Variants in GRIK4 observed in about 807,000 individuals in gnomAD.
The protein encoded by GRIK4 is glutamate receptor ionotropic, kainate 4.
Under a neutral mutation model 104.9 loss-of-function variants are expected in GRIK4, and 40 were observed. The observed-to-expected ratio is 0.38, with a 90% CI of 0.30 to 0.50. The LOEUF is 0.50. Ranked by LOEUF, GRIK4 falls within the 20% of genes least tolerant of loss-of-function variation. GRIK4 has a pLI of 0.93. For missense variants in GRIK4, 1,047 were observed against 1,308.1 expected (o/e 0.80, Z 3.08); for synonymous variants, 485 against 524.9 (o/e 0.92, Z 1.04).
At chr11:120,682,543 G>A (rs903774476) in intron 3 of GRIK4, among the ~76,000 whole-genome samples, 7 of 151,316 alleles carry the variant, frequency 4.6e-5, no homozygotes, top group East Asian at 1.9e-4. Context: ...ATTTAGGGCC[G>A]TATCCATGCA....
chr11:120,938,210 G>T (rs766500319), intron 13 of GRIK4, among the ~76,000 whole-genome samples: 12 of 152,178 alleles, frequency 7.9e-5, no homozygotes, highest in Non-Finnish European at 1.8e-4. Flanking sequence ...GAGGGGCTGA[G>T]GCTCTGAACG....
intron 1 of GRIK4, among the ~76,000 whole-genome samples, chr11:120,580,227 CTTTCTTTCTTTCTTTCTTTCTTTCTT>C (rs1948555453): frequency 2.9e-5 from 4 of 139,750 alleles, no homozygotes; most frequent in Admixed American, 6.9e-5. Context: ...TTCTTTCTTT[CTTTCTTTCTTTCTTTCTTTCTTTCTT>C]TTTCTTTCTT....
chr11:120,776,402 C>A (rs1952043784), intron 3 of GRIK4, among the ~76,000 whole-genome samples: 1 of 152,136 alleles, frequency 6.6e-6, no homozygotes, highest in Admixed American at 6.5e-5. Context: ...TTGGAGTTCC[C>A]CCTCTTTTTT....
intron 8 of GRIK4, among the ~76,000 whole-genome samples, chr11:120,837,559 A>G (rs1953606367): frequency 6.6e-6 from 1 of 152,190 alleles, no homozygotes; most frequent in Admixed American, 6.5e-5. Context: ...GCGTAGCTTA[A>G]GAAAACTTTT....
chr11:120,866,209 T>C (rs1954403533), intron 9 of GRIK4, among the ~76,000 whole-genome samples: 1 of 152,170 alleles, frequency 6.6e-6, no homozygotes, highest in South Asian at 2.1e-4. Context: ...GCCGCTGTTA[T>C]CCGGATGCGC....
At chr11:120,562,061 C>G (rs1948245319) in intron 1 of GRIK4, among the ~76,000 whole-genome samples, 1 of 152,210 alleles carries the variant, frequency 6.6e-6, no homozygotes, top group African/African-American at 2.4e-5. Context: ...TGGGCTGACA[C>G]TGAGGGCGTA....
intron 13 of GRIK4, among the ~76,000 whole-genome samples, chr11:120,915,106 C>CA (rs1943078697): frequency 1.3e-5 from 2 of 152,122 alleles, no homozygotes; most frequent in Non-Finnish European, 2.9e-5. Context: ...GTCCTTTCTA[C>CA]AATGGCTCCT....
chr11:120,835,195 C>T (rs1028881949), intron 7 of GRIK4, among the ~76,000 whole-genome samples: 6 of 152,214 alleles, frequency 3.9e-5, no homozygotes, highest in South Asian at 4.1e-4. Context: ...GAGTTACCCC[C>T]GACCTGCTCC....
chr11:120,917,818 T>C (rs1254763848), intron 13 of GRIK4, among the ~76,000 whole-genome samples: 1 of 152,148 alleles, frequency 6.6e-6, no homozygotes, highest in African/African-American at 2.4e-5. Flanking sequence ...CTGGGAAACT[T>C]ATCAGTTCTT....
At chr11:120,929,433 C>T (rs1943433043) in intron 13 of GRIK4, among the ~76,000 whole-genome samples, 2 of 152,156 alleles carry the variant, frequency 1.3e-5, no homozygotes, top group African/African-American at 4.8e-5. Flanking sequence ...TGGCAAGTTC[C>T]CTGGGCATCT....
intron 8 of GRIK4, among the ~76,000 whole-genome samples, chr11:120,851,892 G>T (rs1953982612): frequency 6.6e-6 from 1 of 152,196 alleles, no homozygotes; most frequent in Non-Finnish European, 1.5e-5. Context: ...ACAACTCCTT[G>T]TACCCCTGGT....
chr11:120,692,747 C>T (rs1436872297), intron 3 of GRIK4, among the ~76,000 whole-genome samples: 1 of 152,000 alleles, frequency 6.6e-6, no homozygotes, highest in Non-Finnish European at 1.5e-5. Context: ...TCTTTTTTTT[C>T]TGAGACTCAG....
Position 120,986,008 on chromosome 11 carries a change from C to T in GRIK4, c.2619C>T (p.Pro873=). ...RRRAAVPPPR[P]PIPEERRPRG... The stretch of plus-strand genomic sequence containing the variant: ...GCGCCGCAGTCCCGCCGCCCCGGCC[C>T]CCCATCCCCGAGGAGCGCCGACCGC... The change falls in exon 21 of 21, where the codon CCC becomes CCT. Residue 873 remains proline (P), a synonymous_variant. Coordinates refer to ENST00000527524, the MANE Select transcript of GRIK4 (RefSeq NM_014619.5). 1.3e-6 allele frequency: 2 copies of T among 1,529,856 alleles called. No individual in the cohort carries two copies. The highest frequency in any genetic ancestry group is 8.8e-7 in the Non-Finnish European group (1 of 1,139,196). 94.8% of individuals were successfully genotyped at this position (1,529,856 alleles called of 1,614,324 possible). A position where few individuals can be genotyped will look rare whatever the true frequency, so the allele number is the denominator to read the frequency against.
intron 1 of GRIK4, among the ~76,000 whole-genome samples, chr11:120,598,199 G>A (rs1286991037): frequency 2.6e-5 from 4 of 152,162 alleles, no homozygotes; most frequent in Non-Finnish European, 4.4e-5. Flanking sequence ...ACAAGCATCT[G>A]TTGAGCCCTT....
intron 3 of GRIK4, among the ~76,000 whole-genome samples, chr11:120,665,807 C>G (rs1949904528): frequency 6.6e-6 from 1 of 152,216 alleles, no homozygotes. Flanking sequence ...TGCTCCTCCC[C>G]TGCCACCAAC....
intron 1 of GRIK4, among the ~76,000 whole-genome samples, chr11:120,648,123 G>A (rs555002235): frequency 1.3e-5 from 2 of 152,318 alleles, no homozygotes; most frequent in East Asian, 3.9e-4. Context: ...AGCTAGGGAG[G>A]TTGAGGATTT....
intron 3 of GRIK4, among the ~76,000 whole-genome samples, chr11:120,679,675 G>A (rs1391483895): frequency 6.6e-6 from 1 of 152,164 alleles, no homozygotes; most frequent in Non-Finnish European, 1.5e-5. Flanking sequence ...TGGCAGGGAG[G>A]ACTTGTCTAA....
chr11:120,652,807 G>A (rs1029774130), intron 1 of GRIK4, among the ~76,000 whole-genome samples: 8 of 152,140 alleles, frequency 5.3e-5, no homozygotes, highest in African/African-American at 1.9e-4. Context: ...GCCCTGTGAG[G>A]ATGAGAGAGA....
intron 3 of GRIK4, among the ~76,000 whole-genome samples, chr11:120,695,169 T>TG (rs990259788): frequency 6.6e-6 from 1 of 152,116 alleles, no homozygotes; most frequent in Admixed American, 6.5e-5. Flanking sequence ...CCCAGGAGCA[T>TG]GGGGGGTGTT....
Sources: gnomAD v4.1 joint callset for allele counts (sites outside exome capture counted in the v4.1 genomes callset) on GRCh38, gnomAD v4.1.1 for gene constraint, MANE v1.5 for transcripts, NCBI Gene and HGNC (gene_info 2026-07-23, HGNC 2026-07-21) for gene names.